The following DAND5 variants were observed in gnomAD, a reference collection of about 807,000 sequenced individuals.
The protein encoded by DAND5 is DAN domain BMP antagonist family member 5.
A neutral mutation model predicts 9.2 loss-of-function variants in DAND5; 8 were observed. That is an observed-to-expected ratio of 0.87 (90% CI 0.51 to 1.56). The LOEUF is 1.56. Ranked by LOEUF, DAND5 falls within the 40% of genes most tolerant of loss-of-function variation. The pLI is 0.00. For missense variants in DAND5, 244 were observed against 244.7 expected, an observed-to-expected ratio of 1.00 and a Z score of 0.02; for synonymous variants, 95 against 101.1, an observed-to-expected ratio of 0.94 and a Z score of 0.36.
At chr19:12,971,529 G>A (rs1026802930) in intron 1 of DAND5, among the ~76,000 whole-genome samples, 7 of 151,378 alleles carry the variant, frequency 4.6e-5, no homozygotes, top group African/African-American at 1.2e-4. Context: ...CACCTGCCTC[G>A]GCCTCCCCAA....
Position 12,973,718 on chromosome 19 carries a change from G to A in DAND5, c.*84G>A. 6.4e-7 allele frequency: 1 copy of A among 1,551,936 alleles called. No individual in the cohort carries two copies. The highest frequency in any genetic ancestry group is 8.7e-7 in the Non-Finnish European group (1 of 1,150,186). On this transcript the variant is annotated 3_prime_UTR_variant, in exon 2 of 2. Transcript: ENST00000317060. ...GACCAAGAAAGACGTGGACCTGGATGATGTACTCTGGGTCAAGAGACCAGG... is the reference window on the plus strand; with the variant it reads ...GACCAAGAAAGACGTGGACCTGGATAATGTACTCTGGGTCAAGAGACCAGG...
rs560521201 is a variant in DAND5, at chr19:12,972,940, A to G, written c.325-449A>G. ...TGCAGTGGCGCTATCTCGGCTCACTACAAGCTCCGCCTCCTGGGTTCACAC... is the reference window on the plus strand; with the variant it reads ...TGCAGTGGCGCTATCTCGGCTCACTGCAAGCTCCGCCTCCTGGGTTCACAC... On this transcript the variant is annotated intron_variant, in intron 1 of 1. Coordinates refer to ENST00000317060, the MANE Select transcript of DAND5 (RefSeq NM_152654.3). Among the ~76,000 whole-genome samples the G allele has an allele frequency of 3.7e-4, 51 of 138,306 alleles. 1 individual carries two copies. The highest frequency in any genetic ancestry group is 2.6e-3 in the East Asian group (12 of 4,662). The allele number at this position is 138,306 out of a possible 152,430, so 90.7% of individuals were successfully genotyped here.
intron 1 of DAND5, among the ~76,000 whole-genome samples, chr19:12,973,013 C>T (rs1227602965): frequency 1.3e-5 from 2 of 151,788 alleles, no homozygotes; most frequent in Admixed American, 6.6e-5. Flanking sequence ...CAGGCGCCCA[C>T]CACCACGCCC....
intron 1 of DAND5, among the ~76,000 whole-genome samples, chr19:12,972,074 T>A (rs2011148126): frequency 6.6e-6 from 1 of 151,284 alleles, no homozygotes; most frequent in Non-Finnish European, 1.5e-5. Context: ...TTTTTTTTTT[T>A]TTGAGACGGA....
In DAND5 at chr19:12,973,084, G is replaced by A. The variant is rs567380183; in HGVS notation, c.325-305G>A. 6.6e-3 allele frequency among the ~76,000 whole-genome samples: 1,004 copies of A among 151,252 alleles called. 2 individuals carry two copies. The highest frequency in any genetic ancestry group is 0.013 in the Admixed American group (204 of 15,176). Reference sequence around the variant, plus strand: ...TCACCGTGTTGGCCAGGATGGTCTCGATCTGCTGACCTCGTGATCCGCCCG... The same window carrying A: ...TCACCGTGTTGGCCAGGATGGTCTCAATCTGCTGACCTCGTGATCCGCCCG... On this transcript the variant is annotated intron_variant, in intron 1 of 1. Transcript: ENST00000317060.
intron 1 of DAND5, among the ~76,000 whole-genome samples, chr19:12,971,830 A>G (rs1173268952): frequency 2.0e-5 from 3 of 151,030 alleles, no homozygotes; most frequent in Non-Finnish European, 2.9e-5. Context: ...ACCTCAAATG[A>G]TCCACCCACC....
chr19:12,973,044 A>G (rs1362429820), intron 1 of DAND5, among the ~76,000 whole-genome samples: 2 of 150,136 alleles, frequency 1.3e-5, no homozygotes, highest in African/African-American at 2.5e-5. Flanking sequence ...TTGTATTTTT[A>G]GTAGAGACGG....
rs370847923 is a variant in DAND5 at position 12,969,636 on chromosome 19, G to A, written c.-25G>A. 8.2e-5 allele frequency: 129 copies of A among 1,574,384 alleles called. No individual in the cohort carries two copies. The African/African-American group carries it at 1.6e-3, about 20-fold the overall frequency. On this transcript the variant is annotated 5_prime_UTR_variant, in exon 1 of 2. Coordinates refer to ENST00000317060, the MANE Select transcript of DAND5 (RefSeq NM_152654.3). ...TGAGCCCAGTCCGGACAGACAGACA[G>A]GCAGACAGACGCACGGACAAGCAGA...
At chr19:12,971,459 A>G (rs1008235449) in intron 1 of DAND5, among the ~76,000 whole-genome samples, 4 of 150,954 alleles carry the variant, frequency 2.6e-5, no homozygotes, top group African/African-American at 7.3e-5. Flanking sequence ...TTGTATTTTT[A>G]GTAGAGACGG....
chr19:12,973,087 C>A (rs998844435), intron 1 of DAND5, among the ~76,000 whole-genome samples: 5 of 151,922 alleles, frequency 3.3e-5, no homozygotes, highest in African/African-American at 2.4e-5. Context: ...TGGTCTCGAT[C>A]TGCTGACCTC....
intron 1 of DAND5, 89 bp from the exon 2 acceptor site, chr19:12,973,300 A>G: frequency 6.5e-7 from 1 of 1,535,522 alleles, no homozygotes; most frequent in South Asian, 1.3e-5. Flanking sequence ...CATGCCTGTC[A>G]AGGTGGGGTG....
intron 1 of DAND5, among the ~76,000 whole-genome samples, chr19:12,972,560 G>A (rs909861891): frequency 2.7e-5 from 4 of 150,084 alleles, no homozygotes; most frequent in African/African-American, 4.9e-5. Flanking sequence ...TATTTATTTC[G>A]GAGACAGAGT....
intron 1 of DAND5, chr19:12,970,402 A>G: frequency 1.4e-6 from 1 of 694,552 alleles, no homozygotes. Flanking sequence ...TTGCTTCTAC[A>G]CATCAGCCTC....
chr19:12,970,470 T>C, intron 1 of DAND5: 2 of 702,454 alleles, frequency 2.8e-6, no homozygotes, highest in Middle Eastern at 2.3e-4. Flanking sequence ...TCTCGCTATG[T>C]TGCCCAAGCT....
chr19:12,970,866 A>G (rs1011341181), intron 1 of DAND5, among the ~76,000 whole-genome samples: 10 of 152,220 alleles, frequency 6.6e-5, no homozygotes, highest in Admixed American at 3.3e-4. Flanking sequence ...CTTTTTGTAG[A>G]GACGTGGTTT....
In DAND5 at chr19:12,969,980, T is replaced by A; in HGVS notation, c.320T>A (p.Val107Asp). The A allele has an allele frequency of 1.9e-6, 3 of 1,613,730 alleles. No homozygotes were observed. The highest frequency in any genetic ancestry group is 2.5e-6 in the Non-Finnish European group (3 of 1,180,004). The change falls in exon 1 of 2, where the codon GTT becomes GAT. Residue 107 changes from valine to aspartate, a missense_variant. Val to Asp is a radical substitution (Grantham distance 152). Transcript: ENST00000317060. ...IQGMCKAVPF[V>D]QVFSRPGCSA... is the part of the protein sequence containing the mutation. ...GGGATGTGTAAGGCTGTGCCCTTCG[T>A]TCAGGTGAGTGGGTGGGTGTGGGGA...
In DAND5 at chr19:12,970,639, C is replaced by CTCTTTCTTTCTTTCTTTCTT. The variant is rs60689658; in HGVS notation, c.324+658_324+677dup. The CTCTTTCTTTCTTTCTTTCTT allele has an allele frequency of 4.4e-4, 204 of 458,876 alleles. 1 individual carries two copies. The highest frequency in any genetic ancestry group is 4.1e-3 in the African/African-American group (187 of 45,762). The allele number at this position is 458,876 out of a possible 1,614,324, so 28.4% of individuals were successfully genotyped here. A position where few individuals can be genotyped will look rare whatever the true frequency, so the allele number is the denominator to read the frequency against. On this transcript the variant is annotated intron_variant, in intron 1 of 1. Transcript: ENST00000317060. ...TTTCTTTCTTTGTTTTTCTTTTTTT[C>CTCTTTCTTTCTTTCTTTCTT]TCTTTCTTTCTTTCTTTCTTTCCTT...
At position 12,969,979 on chromosome 19, in the gene DAND5, G is replaced by T. The variant is rs552889359; in HGVS notation, c.319G>T (p.Val107Phe). The T allele has an allele frequency of 6.2e-7, 1 of 1,613,726 alleles. No homozygotes were observed. Among genetic ancestry groups the T allele is most frequent in the East Asian group, 2.2e-5 (1 of 44,882 alleles). The change falls in exon 1 of 2, where the codon GTT becomes TTT. Residue 107 changes from valine to phenylalanine, a missense_variant. Transcript: ENST00000317060. Reference protein sequence around the residue: ...IQGMCKAVPFVQVFSRPGCSA... With the variant: ...IQGMCKAVPFFQVFSRPGCSA... The stretch of plus-strand genomic sequence containing the variant: ...GGGGATGTGTAAGGCTGTGCCCTTC[G>T]TTCAGGTGAGTGGGTGGGTGTGGGG...
intron 1 of DAND5, among the ~76,000 whole-genome samples, chr19:12,971,084 C>T (rs1366075682): frequency 6.6e-6 from 1 of 152,098 alleles, no homozygotes; most frequent in Non-Finnish European, 1.5e-5. Context: ...ATAGGAGGAA[C>T]TAACATGCAT....
Sources: allele counts gnomAD v4.1 joint callset (sites outside exome capture counted in the v4.1 genomes callset), GRCh38; gene constraint gnomAD v4.1.1; transcripts MANE v1.5; gene names NCBI Gene and HGNC (gene_info 2026-07-23, HGNC 2026-07-21).